NTM: variants seen among roughly 807,000 people sequenced by gnomAD.
The protein encoded by NTM is neurotrimin.
In NTM, 13 loss-of-function variants were observed where a neutral mutation model predicts 42.1. The ratio of observed to expected loss-of-function variants is 0.31; its 90% CI spans 0.20 to 0.49. NTM has a LOEUF of 0.49. Among genes scored for constraint, NTM ranks in the 20% least tolerant of loss-of-function variants. The pLI is 0.99. For missense variants in NTM, 373 were observed against 452.8 expected, an observed-to-expected ratio of 0.82 and a Z score of 1.60; for synonymous variants, 187 against 179.2, an observed-to-expected ratio of 1.04 and a Z score of -0.35.
chr11:131,698,201 T>G (rs2075682463), intron 1 of NTM, among the ~76,000 whole-genome samples: 1 of 151,980 alleles, frequency 6.6e-6, no homozygotes, highest in Non-Finnish European at 1.5e-5. Flanking sequence ...CCTTCCAGAG[T>G]GAAAGTGTCA....
intron 1 of NTM, among the ~76,000 whole-genome samples, chr11:131,470,648 G>A (rs565956447): frequency 9.9e-4 from 150 of 152,252 alleles, no homozygotes; most frequent in African/African-American, 3.4e-3. Flanking sequence ...GAGTTACTTC[G>A]AGGCTCTCCT....
intron 6 of NTM, among the ~76,000 whole-genome samples, chr11:132,311,877 G>T (rs547449287): frequency 1.3e-5 from 2 of 152,304 alleles, no homozygotes; most frequent in East Asian, 3.9e-4. Context: ...TCACAATAGG[G>T]ACAGCTGTCC....
intron 2 of NTM, among the ~76,000 whole-genome samples, chr11:132,055,521 G>A (rs142043687): frequency 6.6e-6 from 1 of 152,328 alleles, no homozygotes; most frequent in East Asian, 1.9e-4. Context: ...GTGGCATCAG[G>A]AGTGGCAGCT....
At chr11:131,868,184 C>G (rs1565650728) in intron 1 of NTM, among the ~76,000 whole-genome samples, 1 of 152,182 alleles carries the variant, frequency 6.6e-6, no homozygotes, top group Non-Finnish European at 1.5e-5. Context: ...CCAAGGCATC[C>G]TTTTGCTTTA....
At chr11:131,531,377 G>C (rs2051257613) in intron 1 of NTM, among the ~76,000 whole-genome samples, 1 of 152,068 alleles carries the variant, frequency 6.6e-6, no homozygotes, top group African/African-American at 2.4e-5. Context: ...CAAACTTCTG[G>C]ACTCAAGTGA....
chr11:131,564,736 T>A (rs2056667633), intron 1 of NTM, among the ~76,000 whole-genome samples: 1 of 152,216 alleles, frequency 6.6e-6, no homozygotes, highest in Non-Finnish European at 1.5e-5. Context: ...CCATGAGATC[T>A]AGCCCCTTAA....
chr11:132,118,012 A>G (rs1196036078), intron 2 of NTM, among the ~76,000 whole-genome samples: 2 of 152,176 alleles, frequency 1.3e-5, no homozygotes, highest in East Asian at 1.9e-4. Flanking sequence ...AATTAAATCA[A>G]TCTTGTCACT....
intron 1 of NTM, among the ~76,000 whole-genome samples, chr11:131,700,150 G>T (rs1245883329): frequency 6.6e-6 from 1 of 152,074 alleles, no homozygotes; most frequent in Non-Finnish European, 1.5e-5. Flanking sequence ...TTTAGGAGTT[G>T]TCTAATTTTA....
intron 1 of NTM, among the ~76,000 whole-genome samples, chr11:131,470,722 C>G (rs540230995): frequency 6.6e-6 from 1 of 152,140 alleles, no homozygotes; most frequent in Admixed American, 6.5e-5. Context: ...CAGGTCAGAC[C>G]GTGAAAGCAG....
At chr11:131,927,387 G>A (rs568406307) in intron 2 of NTM, among the ~76,000 whole-genome samples, 51 of 152,160 alleles carry the variant, frequency 3.4e-4, no homozygotes, top group Non-Finnish European at 6.6e-4. Flanking sequence ...CCAGGATCCT[G>A]GCCTGGCCTT....
chr11:131,584,627 A>G (rs939566688), intron 1 of NTM, among the ~76,000 whole-genome samples: 3 of 152,212 alleles, frequency 2.0e-5, no homozygotes, highest in Non-Finnish European at 4.4e-5. Flanking sequence ...TTTATTTTTT[A>G]TTTGAAAAAT....
intron 1 of NTM, among the ~76,000 whole-genome samples, chr11:131,735,835 GGTGTGTGTGTGTGTGTGT>G (rs398018112): frequency 7.4e-5 from 9 of 121,298 alleles, no homozygotes; most frequent in Non-Finnish European, 1.5e-4. Context: ...CCATTCATAA[GGTGTGTGTGTGTGTGTGT>G]GTGTGTGTGT....
intron 1 of NTM, among the ~76,000 whole-genome samples, chr11:131,561,795 C>T (rs78298033): frequency 0.04 from 6,042 of 152,226 alleles, 384 homozygotes; most frequent in African/African-American, 0.14. Flanking sequence ...CATCATCATC[C>T]TTCTTCTTCA....
At chr11:131,647,546 A>G (rs2065920328) in intron 1 of NTM, among the ~76,000 whole-genome samples, 1 of 152,226 alleles carries the variant, frequency 6.6e-6, no homozygotes, top group Non-Finnish European at 1.5e-5. Flanking sequence ...AATCAGCTGC[A>G]CAGCCTGCCA....
intron 7 of NTM, among the ~76,000 whole-genome samples, chr11:132,326,127 C>A (rs1298156569): frequency 6.6e-6 from 1 of 151,878 alleles, no homozygotes; most frequent in Non-Finnish European, 1.5e-5. Flanking sequence ...TGTAACAAAC[C>A]TGCACATTGT....
chr11:131,517,834 C>T (rs1236804727), intron 1 of NTM, among the ~76,000 whole-genome samples: 3 of 152,164 alleles, frequency 2.0e-5, no homozygotes, highest in Non-Finnish European at 4.4e-5. Context: ...CATTACCCAC[C>T]CCTCCCTCTA....
intron 1 of NTM, among the ~76,000 whole-genome samples, chr11:131,883,906 G>A (rs2049946948): frequency 6.6e-6 from 1 of 152,164 alleles, no homozygotes; most frequent in Non-Finnish European, 1.5e-5. Flanking sequence ...AGTGGGTCTT[G>A]ACTTTTCTTT....
intron 1 of NTM, among the ~76,000 whole-genome samples, chr11:131,474,170 C>G (rs1252975901): frequency 6.6e-6 from 1 of 152,124 alleles, no homozygotes; most frequent in African/African-American, 2.4e-5. Context: ...CCAGCAAAAA[C>G]TACAAAACGC....
chr11:132,246,385 A>C (rs2091166414), intron 4 of NTM, among the ~76,000 whole-genome samples: 1 of 152,238 alleles, frequency 6.6e-6, no homozygotes. Context: ...CCAGTGAAAC[A>C]GCAATGGTGA....
Sources: allele counts gnomAD v4.1 joint callset (sites outside exome capture counted in the v4.1 genomes callset), GRCh38; gene constraint gnomAD v4.1.1; transcripts MANE v1.5; gene names NCBI Gene and HGNC (gene_info 2026-07-23, HGNC 2026-07-21).